DCP2: variants seen among roughly 807,000 people sequenced by gnomAD.
The protein encoded by DCP2 is decapping mRNA 2.
In DCP2, 30 loss-of-function variants were observed where a neutral mutation model predicts 56.1. That is an observed-to-expected ratio of 0.53 (90% CI 0.40 to 0.73). The LOEUF (loss-of-function observed/expected upper bound fraction) is 0.73, where lower values mean the gene tolerates loss of function less well. DCP2 is among the 30% of genes least tolerant of loss of function. The pLI, the probability that DCP2 is intolerant of heterozygous loss-of-function variation, is 0.00. For synonymous variants in DCP2, 197 were observed against 163.3 expected (o/e 1.21, Z -1.57); for missense variants, 533 against 502.7 (o/e 1.06, Z -0.58).
chr5:113,021,636 CTA>C lies in DCP2; in HGVS notation c.*8156_*8157del, dbSNP rs1200350442. Reference sequence around the variant, plus strand: ...CATTCTTTTCCATTAGAGACCTCAGCTATATGATAGTAACTTTTATTTTAAAT... The same window carrying C: ...CATTCTTTTCCATTAGAGACCTCAGCTATGATAGTAACTTTTATTTTAAAT... On this transcript the variant is annotated 3_prime_UTR_variant, in exon 11 of 11. Coordinates refer to ENST00000389063, the MANE Select transcript of DCP2 (RefSeq NM_152624.6). Among the ~76,000 whole-genome samples the C allele has an allele frequency of 9.9e-5, 15 of 152,072 alleles. No individual in the cohort carries two copies. The highest frequency in any genetic ancestry group is 9.2e-4 in the Admixed American group (14 of 15,274).
At chr5:112,994,583 A>G (rs1281913474) in intron 4 of DCP2, among the ~76,000 whole-genome samples, 1 of 152,194 alleles carries the variant, frequency 6.6e-6, no homozygotes, top group Non-Finnish European at 1.5e-5. Flanking sequence ...TCACTATTAT[A>G]TAATACCTTG....
At chr5:112,990,587 T>C (rs1748537661) in intron 2 of DCP2, among the ~76,000 whole-genome samples, 1 of 152,104 alleles carries the variant, frequency 6.6e-6, no homozygotes, top group Non-Finnish European at 1.5e-5. Context: ...CTAATTATAT[T>C]GAGATTAACT....
In DCP2 at chr5:113,016,373, A is replaced by G. The variant is rs1224427084; in HGVS notation, c.*2889A>G. 1.3e-5 allele frequency: 2 copies of G among 152,450 alleles called. No homozygotes were observed. Among genetic ancestry groups the G allele is most frequent in the African/African-American group, 4.8e-5 (2 of 41,462 alleles). 9.4% of individuals were successfully genotyped at this position (152,450 alleles called of 1,614,324 possible). A position where few individuals can be genotyped will look rare whatever the true frequency, so the allele number is the denominator to read the frequency against. ...AAAATGAAGTTGGATTTTTGTATTC[A>G]TGTATAAAGGAAAGTCTCCCAGTGC... On this transcript the variant is annotated 3_prime_UTR_variant, in exon 11 of 11. Transcript: ENST00000389063.
chr5:112,978,318 T>C (rs1481617548), intron 1 of DCP2, among the ~76,000 whole-genome samples: 3 of 152,222 alleles, frequency 2.0e-5, no homozygotes, highest in African/African-American at 7.2e-5. Context: ...ACATGTATTG[T>C]TTTATTTAAT....
At chr5:112,987,010 A>G (rs1748320790) in intron 2 of DCP2, among the ~76,000 whole-genome samples, 1 of 152,216 alleles carries the variant, frequency 6.6e-6, no homozygotes, top group Non-Finnish European at 1.5e-5. Flanking sequence ...CTCAAAGAGA[A>G]AAAAGTCATC....
Position 113,013,480 on chromosome 5 carries a change from T to C in DCP2, c.1259T>C (p.Leu420Pro), listed in dbSNP as rs760084673. The change falls in exon 11 of 11, where the codon CTT (leucine) becomes CCT (proline). Residue 420 changes from leucine to proline, a missense_variant. By Grantham distance (98) the Leu-to-Pro change is moderately conservative. This residue lies in a region of DCP2 where 392 missense variants were observed against 346.6 expected (regional missense o/e 1.13). Coordinates refer to ENST00000389063, the MANE Select transcript of DCP2 (RefSeq NM_152624.6). Reference protein sequence around the residue: ...DHNAIMKILDL With the variant: ...DHNAIMKILDP Reference sequence around the variant, plus strand: ...AATGCTATAATGAAAATCTTGGACCTTTGATAGCAGCACATGTATTGTAAA... The same window carrying C: ...AATGCTATAATGAAAATCTTGGACCCTTGATAGCAGCACATGTATTGTAAA... 1 of 1,613,888 alleles carries C rather than the reference T, an allele frequency of 6.2e-7. No individual in the cohort carries two copies. Among genetic ancestry groups the C allele is most frequent in the Non-Finnish European group, 8.5e-7 (1 of 1,179,938 alleles).
intron 4 of DCP2, among the ~76,000 whole-genome samples, chr5:113,000,061 C>CAAA (rs60251393): frequency 4.1e-4 from 37 of 89,770 alleles, no homozygotes; most frequent in Non-Finnish European, 5.1e-4. Flanking sequence ...AACTCCATCT[C>CAAA]AAAAAAAAAA....
intron 2 of DCP2, 75 bp downstream of exon 2, chr5:112,986,061 C>T (rs955529404): frequency 1.4e-6 from 2 of 1,403,172 alleles, no homozygotes; most frequent in African/African-American, 1.4e-5. Context: ...TTTTGCTTGC[C>T]TTTTCAGATT....
In DCP2 at chr5:113,003,973, T is replaced by C. The variant is rs567645066; in HGVS notation, c.838T>C (p.Phe280Leu). The change falls in exon 8 of 11, where the codon TTT becomes CTT. Residue 280 changes from phenylalanine (F) to leucine (L), a missense_variant. Physicochemically the swap from Phe to Leu is conservative, Grantham distance 22. Coordinates refer to ENST00000389063, the MANE Select transcript of DCP2 (RefSeq NM_152624.6). ...RTKFRHSQQL[F>L]PDGSPGDQWV... ...CAAATTCCGCCACAGTCAGCAGTTA[T>C]TTCCTGACGGTTCTCCTGGTGACCA... The C allele has an allele frequency of 3.1e-6, 5 of 1,614,182 alleles. No individual in the cohort carries two copies. The highest frequency in any genetic ancestry group is 2.2e-5 in the South Asian group (2 of 91,088).
intron 10 of DCP2, among the ~76,000 whole-genome samples, chr5:113,012,791 G>A (rs1749731496): frequency 1.3e-5 from 2 of 152,108 alleles, no homozygotes; most frequent in Admixed American, 1.3e-4. Flanking sequence ...TTACAGGCGT[G>A]TGCCACCATG....
intron 4 of DCP2, among the ~76,000 whole-genome samples, chr5:112,994,163 C>CTTTTTTTTTTTTT (rs771514208): frequency 4.4e-4 from 33 of 75,014 alleles, no homozygotes; most frequent in African/African-American, 4.7e-4. Flanking sequence ...TTTTTTCTTT[C>CTTTTTTTTTTTTT]TTTTTTTTTT....
chr5:113,000,155 C>T (rs115586913), intron 4 of DCP2, among the ~76,000 whole-genome samples: 3,412 of 152,026 alleles, frequency 0.022, 51 homozygotes, highest in African/African-American at 0.031. Flanking sequence ...AGATGGAGTC[C>T]CACTGTTGCC....
Position 112,976,860 on chromosome 5 carries a change from G to T in DCP2, c.-74G>T. ...CGGCTGCCAGCTCTCCGGCGAGCCG[G>T]AGTCCTAGTGCCGTACCGTCAGTCC... On this transcript the variant is annotated 5_prime_UTR_variant, in exon 1 of 11. Coordinates refer to ENST00000389063, the MANE Select transcript of DCP2 (RefSeq NM_152624.6). The T allele has an allele frequency of 6.6e-7, 1 of 1,508,034 alleles. No homozygotes were observed. The highest frequency in any genetic ancestry group is 2.3e-5 in the East Asian group (1 of 44,378). The allele number at this position is 1,508,034 out of a possible 1,614,324, so 93.4% of individuals were successfully genotyped here.
At chr5:112,992,384 G>T in intron 3 of DCP2, 136 bp downstream of exon 3, 2 of 1,200,204 alleles carry the variant, frequency 1.7e-6, no homozygotes, top group East Asian at 2.6e-5. Flanking sequence ...GCCAAGCTTT[G>T]TATATTTTAT....
At chr5:113,010,905 T>A in intron 10 of DCP2, 98 bp downstream of exon 10, 1 of 1,287,588 alleles carries the variant, frequency 7.8e-7, no homozygotes, top group Non-Finnish European at 1.1e-6. Context: ...CTGTGATAGT[T>A]AAGCAGGAAG....
At chr5:112,981,137 T>C (rs1747985015) in intron 1 of DCP2, among the ~76,000 whole-genome samples, 1 of 152,034 alleles carries the variant, frequency 6.6e-6, no homozygotes, top group Admixed American at 6.6e-5. Flanking sequence ...GCCTCCTGAG[T>C]AGCTAGGACT....
intron 7 of DCP2, among the ~76,000 whole-genome samples, chr5:113,002,270 A>AT (rs1749215115): frequency 6.6e-6 from 1 of 151,944 alleles, no homozygotes; most frequent in Non-Finnish European, 1.5e-5. Flanking sequence ...TAGAAGTACA[A>AT]AAATTAGCTG....
At chr5:112,993,363 G>C (rs968203840) in intron 4 of DCP2, among the ~76,000 whole-genome samples, 1 of 151,928 alleles carries the variant, frequency 6.6e-6, no homozygotes, top group Non-Finnish European at 1.5e-5. Flanking sequence ...GGCCAGGCAC[G>C]GTGGCTCACG....
At chr5:112,983,779 A>G (rs1173981967) in intron 1 of DCP2, among the ~76,000 whole-genome samples, 1 of 152,232 alleles carries the variant, frequency 6.6e-6, no homozygotes, top group Non-Finnish European at 1.5e-5. Context: ...AAAGAAAAAA[A>G]ATCTGAATGG....
Sources: gnomAD v4.1 joint callset for allele counts (sites outside exome capture counted in the v4.1 genomes callset) on GRCh38, gnomAD v4.1.1 for gene constraint, gnomAD v4.1.1 regional missense constraint, MANE v1.5 for transcripts, NCBI Gene and HGNC (gene_info 2026-07-23, HGNC 2026-07-21) for gene names.